The following LRIG2 variants were observed in gnomAD, a reference collection of about 807,000 sequenced individuals.
LRIG2 encodes leucine rich repeats and immunoglobulin like domains 2.
A neutral mutation model predicts 107.8 loss-of-function variants in LRIG2; 93 were observed. The ratio of observed to expected loss-of-function variants is 0.86; its 90% CI spans 0.73 to 1.03. LRIG2 has a LOEUF of 1.03. Ranked by LOEUF, LRIG2 falls within the 50% of genes least tolerant of loss-of-function variation. LRIG2 has a pLI of 0.00. For synonymous variants in LRIG2, 471 were observed against 470.6 expected (o/e 1.00, Z -0.01); for missense variants, 1,226 against 1,296.0 (o/e 0.95, Z 0.83).
chr1:113,084,552 C>T (rs1653460925), intron 1 of LRIG2, among the ~76,000 whole-genome samples: 1 of 152,066 alleles, frequency 6.6e-6, no homozygotes, highest in Non-Finnish European at 1.5e-5. Flanking sequence ...CTTTGAAGGA[C>T]CTGTTTATTT....
rs1485230727 is a variant in LRIG2, at chr1:113,123,925, C to T, written c.3022C>T (p.His1008Tyr). The T allele has an allele frequency of 2.5e-6, 4 of 1,614,204 alleles. No individual in the cohort carries two copies. Among genetic ancestry groups the T allele is most frequent in the Non-Finnish European group, 3.4e-6 (4 of 1,180,044 alleles). Reference sequence around the variant, plus strand: ...CATAAACAGAGAACTAGGCCTGCCTCATCCTCCTTTTTCCCAGCAGCCAGT... The same window carrying T: ...CATAAACAGAGAACTAGGCCTGCCTTATCCTCCTTTTTCCCAGCAGCCAGT... Reference protein sequence around the residue: ...WNINRELGLPHPPFSQQPVHE... With the variant: ...WNINRELGLPYPPFSQQPVHE... The change falls in exon 18 of 18, where the codon CAT becomes TAT. Residue 1008 changes from histidine to tyrosine, a missense_variant. His to Tyr is a moderately conservative substitution (Grantham distance 83). This residue lies in a region of LRIG2 where 642 missense variants were observed against 712.2 expected (regional missense o/e 0.90). Coordinates refer to ENST00000361127, the MANE Select transcript of LRIG2 (RefSeq NM_014813.3).
At chr1:113,079,381 GC>G (rs1653150424) in intron 1 of LRIG2, among the ~76,000 whole-genome samples, 1 of 149,304 alleles carries the variant, frequency 6.7e-6, no homozygotes, top group African/African-American at 2.5e-5. Flanking sequence ...AAGAAAATGA[GC>G]CCCTTTAAAA....
At chr1:113,101,632 A>G (rs1654313585) in intron 11 of LRIG2, among the ~76,000 whole-genome samples, 2 of 152,248 alleles carry the variant, frequency 1.3e-5, no homozygotes, top group African/African-American at 4.8e-5. Context: ...GGTCCTTACC[A>G]TGGATAATTT....
At chr1:113,117,522 T>TA (rs1655070289) in intron 16 of LRIG2, among the ~76,000 whole-genome samples, 1 of 152,154 alleles carries the variant, frequency 6.6e-6, no homozygotes, top group Non-Finnish European at 1.5e-5. Context: ...CTCATTCTGT[T>TA]ACCCAGGCTG....
chr1:113,107,783 A>G, intron 12 of LRIG2, 26 bp downstream of exon 12: 1 of 1,582,154 alleles, frequency 6.3e-7, no homozygotes, highest in Non-Finnish European at 8.6e-7. Flanking sequence ...TTAAAATTTT[A>G]TATATTACAC....
chr1:113,117,040 T>C (rs556203394), intron 16 of LRIG2, among the ~76,000 whole-genome samples: 5 of 152,306 alleles, frequency 3.3e-5, no homozygotes, highest in African/African-American at 1.2e-4. Context: ...CTGGAGAACA[T>C]CAGAGAGATG....
At chr1:113,084,539 C>T (rs1653460461) in intron 1 of LRIG2, among the ~76,000 whole-genome samples, 1 of 152,150 alleles carries the variant, frequency 6.6e-6, no homozygotes, top group Non-Finnish European at 1.5e-5. Context: ...AAATTATTTT[C>T]TGCTTTGAAG....
At chr1:113,113,536 A>C in intron 14 of LRIG2, among the ~76,000 whole-genome samples, 1 of 48,680 alleles carries the variant, frequency 2.1e-5, no homozygotes, top group East Asian at 4.0e-4. Flanking sequence ...TCATTTATTT[A>C]TTTATTTATT....
chr1:113,076,401 T>C (rs552960799), intron 1 of LRIG2, among the ~76,000 whole-genome samples: 1 of 152,356 alleles, frequency 6.6e-6, no homozygotes, highest in Admixed American at 6.5e-5. Flanking sequence ...TTGATTTTTG[T>C]TTAATCAAGA....
rs192310252 is a variant in LRIG2 at position 113,099,135 on chromosome 1, C to A, written c.1172+350C>A. Among the ~76,000 whole-genome samples the A allele has an allele frequency of 2.6e-5, 4 of 152,108 alleles. No individual in the cohort carries two copies. The East Asian group carries it at 7.8e-4, about 29-fold the overall frequency. ...TATTTTTAGTAGAGACAGGGTTTCACCATCTTGGCCAGGCTGGTCTTGAAC... is the reference window on the plus strand; with the variant it reads ...TATTTTTAGTAGAGACAGGGTTTCAACATCTTGGCCAGGCTGGTCTTGAAC... On this transcript the variant is annotated intron_variant, in intron 9 of 17. Transcript: ENST00000361127.
chr1:113,114,474 G>T lies in LRIG2; in HGVS notation c.2128G>T (p.Gly710Cys). Residue 710 changes from glycine (G) to cysteine (C), a missense_variant, in exon 15 of 18, where the codon GGT becomes TGT. Gly to Cys is a radical substitution (Grantham distance 159). Around this residue, in one of 3 missense-constraint regions of LRIG2, gnomAD observed 642 missense variants for 712.2 expected, o/e 0.90. Transcript: ENST00000361127. ...RPLEDKTVTR[G>C]ETAVLQCIAG... ...CCTGGAGGATAAGACAGTAACACGA[G>T]GTGAAACTGCGGTGTTACAGTGCAT... 1.2e-6 allele frequency: 2 copies of T among 1,613,602 alleles called. No individual in the cohort carries two copies. Among genetic ancestry groups the T allele is most frequent in the Non-Finnish European group, 1.7e-6 (2 of 1,179,894 alleles).
intron 1 of LRIG2, among the ~76,000 whole-genome samples, chr1:113,077,594 A>G (rs1653039437): frequency 6.6e-6 from 1 of 152,112 alleles, no homozygotes; most frequent in Admixed American, 6.6e-5. Context: ...TTGTTTCTTT[A>G]TAATAGTTGT....
At chr1:113,108,336 G>C (rs1453033181) in intron 12 of LRIG2, among the ~76,000 whole-genome samples, 1 of 149,744 alleles carries the variant, frequency 6.7e-6, no homozygotes, top group Non-Finnish European at 1.5e-5. Context: ...CGATTCTCCT[G>C]TCTCAGCCTC....
intron 11 of LRIG2, chr1:113,100,814 T>C (rs1340203590): frequency 5.2e-6 from 1 of 190,526 alleles, no homozygotes; most frequent in Non-Finnish European, 1.1e-5. Flanking sequence ...TTACCAGTTC[T>C]TAACACCTTG....
intron 1 of LRIG2, among the ~76,000 whole-genome samples, chr1:113,089,194 G>A (rs567311588): frequency 1.3e-5 from 2 of 152,312 alleles, no homozygotes; most frequent in East Asian, 3.9e-4. Flanking sequence ...GTGAGATAAA[G>A]TGATCTGTAA....
rs759190895 is a variant in LRIG2 at position 113,119,539 on chromosome 1, T to G, written c.2971+16T>G. 5 of 1,607,738 alleles carry G rather than the reference T, an allele frequency of 3.1e-6. No homozygotes were observed. Among genetic ancestry groups the G allele is most frequent in the Non-Finnish European group, 3.4e-6 (4 of 1,176,812 alleles). On this transcript the variant is annotated intron_variant, in intron 17 of 17. Coordinates refer to ENST00000361127, the MANE Select transcript of LRIG2 (RefSeq NM_014813.3). ...ATGAGCGGTGGTAAGGGATGTATTTTTGTTGTTATTTTGTTTTTACTTTCG... is the reference window on the plus strand; with the variant it reads ...ATGAGCGGTGGTAAGGGATGTATTTGTGTTGTTATTTTGTTTTTACTTTCG...
chr1:113,095,213 C>G lies in LRIG2; in HGVS notation c.803+458C>G, dbSNP rs1454753422. ...ATCTCGAACTCCTGACCTCATGATCCACCCACCTTGGCCTCCCAAAGTGCT... is the reference window on the plus strand; with the variant it reads ...ATCTCGAACTCCTGACCTCATGATCGACCCACCTTGGCCTCCCAAAGTGCT... On this transcript the variant is annotated intron_variant, in intron 6 of 17. Transcript: ENST00000361127. Among the ~76,000 whole-genome samples the G allele has an allele frequency of 2.0e-5, 3 of 151,908 alleles. No homozygotes were observed. In the East Asian group the frequency reaches 5.8e-4, roughly 29 times the overall value.
At chr1:113,090,443 T>C (rs1653750636) in intron 1 of LRIG2, among the ~76,000 whole-genome samples, 1 of 151,986 alleles carries the variant, frequency 6.6e-6, no homozygotes, top group Admixed American at 6.6e-5. Flanking sequence ...TAAAGTAAAA[T>C]AGCTATTTTG....
In LRIG2 at chr1:113,116,341, T is replaced by C. The variant is rs1655009431; in HGVS notation, c.2585T>C (p.Leu862Pro). 1.2e-6 allele frequency: 2 copies of C among 1,614,068 alleles called. No individual in the cohort carries two copies. Among genetic ancestry groups the C allele is most frequent in the East Asian group, 4.5e-5 (2 of 44,870 alleles). Residue 862 changes from leucine to proline, a missense_variant, in exon 16 of 18, where the codon CTG becomes CCG. Transcript: ENST00000361127. ...AGCTACTTGTCTTCCCAAGGAACGCTGTCTGAGCCACAGGAAGGCTACAGC... is the reference window on the plus strand; with the variant it reads ...AGCTACTTGTCTTCCCAAGGAACGCCGTCTGAGCCACAGGAAGGCTACAGC... Reference protein sequence around the residue: ...IPSYLSSQGTLSEPQEGYSNS... With the variant: ...IPSYLSSQGTPSEPQEGYSNS...
Sources: allele counts gnomAD v4.1 joint callset (sites outside exome capture counted in the v4.1 genomes callset), GRCh38; gene constraint gnomAD v4.1.1; regional missense constraint gnomAD v4.1.1; transcripts MANE v1.5; gene names NCBI Gene and HGNC (gene_info 2026-07-23, HGNC 2026-07-21).